BTAF1: variants seen among roughly 807,000 people sequenced by gnomAD.
BTAF1 encodes B-TFIID TATA-box binding protein associated factor 1.
BTAF1 carries 38 observed loss-of-function variants against 227.1 expected under a neutral mutation model. That is an observed-to-expected ratio of 0.17 (90% CI 0.13 to 0.22). The LOEUF (loss-of-function observed/expected upper bound fraction) is 0.22, where lower values mean the gene tolerates loss of function less well. Ranked by LOEUF, BTAF1 falls within the 10% of genes least tolerant of loss-of-function variation. The pLI, the probability that BTAF1 is intolerant of heterozygous loss-of-function variation, is 1.00. For missense variants in BTAF1, 1,598 were observed against 2,204.0 expected (o/e 0.73, Z 5.51); for synonymous variants, 742 against 751.9 (o/e 0.99, Z 0.21).
At chr10:91,979,164 A>G (rs969584851) in intron 14 of BTAF1, among the ~76,000 whole-genome samples, 4 of 152,036 alleles carry the variant, frequency 2.6e-5, no homozygotes, top group African/African-American at 9.7e-5. Flanking sequence ...TTCTTTTTTA[A>G]GACTGCATAG....
chr10:91,952,144 A>G (rs759239554), intron 5 of BTAF1, among the ~76,000 whole-genome samples: 58 of 149,046 alleles, frequency 3.9e-4, no homozygotes, highest in African/African-American at 1.2e-3. Flanking sequence ...ATATATGTAT[A>G]TGTGTGTGTG....
At position 91,959,763 on chromosome 10, in the gene BTAF1, TATATA is replaced by T; in HGVS notation, c.991-21_991-17del. 1.8e-6 allele frequency: 1 copy of T among 553,682 alleles called. No homozygotes were observed. The highest frequency in any genetic ancestry group is 2.8e-6 in the Non-Finnish European group (1 of 357,496). The allele number at this position is 553,682 out of a possible 1,614,324, so 34.3% of individuals were successfully genotyped here. ...GTGTATATATATATATATATATATA[TATATA>T]TATTATATTTTAACAGATGATTCAG... On this transcript the variant is annotated splice_polypyrimidine_tract_variant and intron_variant, in intron 9 of 37. Transcript: ENST00000265990.
At chr10:91,994,690 G>T in intron 23 of BTAF1, 46 bp downstream of exon 23, 1 of 1,493,262 alleles carries the variant, frequency 6.7e-7, no homozygotes, top group South Asian at 1.1e-5. Context: ...TAAAACAAGT[G>T]GTCTTATTAA....
intron 25 of BTAF1, among the ~76,000 whole-genome samples, chr10:92,004,016 C>T (rs1275606741): frequency 6.6e-6 from 1 of 151,938 alleles, no homozygotes; most frequent in Non-Finnish European, 1.5e-5. Flanking sequence ...TTTCATTTAT[C>T]TGCTGGCCAT....
chr10:91,993,684 T>G lies in BTAF1; in HGVS notation c.3046-10T>G, dbSNP rs1848957912. The G allele has an allele frequency of 6.9e-7, 1 of 1,446,230 alleles. No homozygotes were observed. The highest frequency in any genetic ancestry group is 1.6e-5 in the South Asian group (1 of 61,104). 89.6% of individuals were successfully genotyped at this position (1,446,230 alleles called of 1,614,324 possible). A position where few individuals can be genotyped will look rare whatever the true frequency, so the allele number is the denominator to read the frequency against. ...TGAAATTCTGTTTTTATCTAACATT[T>G]AATTTTAAGGCCCAGAAGCCTTACC... is the stretch of plus-strand genomic sequence containing the variant. On this transcript the variant is annotated splice_polypyrimidine_tract_variant and intron_variant, in intron 21 of 37. Coordinates refer to ENST00000265990, the MANE Select transcript of BTAF1 (RefSeq NM_003972.3).
intron 18 of BTAF1, 132 bp downstream of exon 18, chr10:91,982,893 A>G: frequency 3.2e-6 from 3 of 951,068 alleles, no homozygotes; most frequent in East Asian, 2.7e-5. Context: ...AAAGTGTCCA[A>G]ATTATATTGA....
At chr10:91,978,930 A>G (rs1482374457) in intron 14 of BTAF1, among the ~76,000 whole-genome samples, 2 of 147,084 alleles carry the variant, frequency 1.4e-5, no homozygotes, top group Admixed American at 1.4e-4. Flanking sequence ...TTTGCCACCT[A>G]GGTACTAAAG....
chr10:91,946,826 C>CT (rs1290962034), intron 4 of BTAF1, among the ~76,000 whole-genome samples: 1 of 151,002 alleles, frequency 6.6e-6, no homozygotes, highest in Admixed American at 6.6e-5. Flanking sequence ...TATGCATTTC[C>CT]TTTTTTTCTT....
intron 16 of BTAF1, 106 bp from the exon 17 acceptor site, chr10:91,981,977 A>T: frequency 7.1e-7 from 1 of 1,407,744 alleles, no homozygotes; most frequent in Non-Finnish European, 9.4e-7. Context: ...TTTTGTGAAA[A>T]GAACTGTATT....
At chr10:91,999,665 T>C (rs1324513666) in intron 25 of BTAF1, among the ~76,000 whole-genome samples, 1 of 152,180 alleles carries the variant, frequency 6.6e-6, no homozygotes, top group Non-Finnish European at 1.5e-5. Context: ...AGTGCTGGGA[T>C]TACAGACGTG....
chr10:92,024,547 A>C (rs546344644), intron 34 of BTAF1, among the ~76,000 whole-genome samples: 1 of 152,202 alleles, frequency 6.6e-6, no homozygotes, highest in African/African-American at 2.4e-5. Context: ...AAAACTTCTG[A>C]AGAGGTGATC....
chr10:91,952,701 A>C (rs576317309), intron 5 of BTAF1, among the ~76,000 whole-genome samples: 1 of 152,104 alleles, frequency 6.6e-6, no homozygotes, highest in Non-Finnish European at 1.5e-5. Flanking sequence ...TTCTGCAGAC[A>C]AGGGGGTAGA....
At chr10:91,978,599 A>G (rs545611142) in intron 14 of BTAF1, among the ~76,000 whole-genome samples, 2 of 152,074 alleles carry the variant, frequency 1.3e-5, no homozygotes, top group Non-Finnish European at 2.9e-5. Flanking sequence ...GATTTCTGCA[A>G]TTTCAGTTAA....
intron 14 of BTAF1, among the ~76,000 whole-genome samples, chr10:91,974,763 A>T (rs1847564638): frequency 6.6e-6 from 1 of 152,090 alleles, no homozygotes. Flanking sequence ...GAGACAGGAG[A>T]ATCACTTGAG....
chr10:92,008,285 A>G lies in BTAF1; in HGVS notation c.3813+10A>G. The G allele has an allele frequency of 6.4e-7, 1 of 1,558,226 alleles. No homozygotes were observed. Among genetic ancestry groups the G allele is most frequent in the Non-Finnish European group, 8.6e-7 (1 of 1,162,766 alleles). Reference sequence around the variant, plus strand: ...CAGAAAATATCAGCAGGTAAGTTTTATACAATAGTGAGTTTTCCTTTCAAA... The same window carrying G: ...CAGAAAATATCAGCAGGTAAGTTTTGTACAATAGTGAGTTTTCCTTTCAAA... On this transcript the variant is annotated intron_variant, in intron 26 of 37. Transcript: ENST00000265990.
intron 14 of BTAF1, among the ~76,000 whole-genome samples, chr10:91,970,252 G>A (rs1055756558): frequency 6.6e-6 from 1 of 151,946 alleles, no homozygotes; most frequent in African/African-American, 2.4e-5. Context: ...TTAAGCATGG[G>A]CCCTCAATGT....
chr10:91,958,471 G>A (rs900619547), intron 8 of BTAF1, among the ~76,000 whole-genome samples: 17 of 152,118 alleles, frequency 1.1e-4, no homozygotes, highest in African/African-American at 4.1e-4. Context: ...GGAGGCTGAG[G>A]CGGACAGATC....
chr10:91,982,936 G>A (rs1413623850), intron 18 of BTAF1, among the ~76,000 whole-genome samples, 175 bp downstream of exon 18: 1 of 152,106 alleles, frequency 6.6e-6, no homozygotes, highest in Non-Finnish European at 1.5e-5. Context: ...TTTTAACTCT[G>A]GACTTTTGTC....
intron 13 of BTAF1, among the ~76,000 whole-genome samples, chr10:91,966,132 C>T (rs1846893054): frequency 6.6e-6 from 1 of 152,130 alleles, no homozygotes; most frequent in Non-Finnish European, 1.5e-5. Context: ...TAATGCTACA[C>T]CAGGATAATA....
Sources: allele counts gnomAD v4.1 joint callset (sites outside exome capture counted in the v4.1 genomes callset), GRCh38; gene constraint gnomAD v4.1.1; transcripts MANE v1.5; gene names NCBI Gene and HGNC (gene_info 2026-07-23, HGNC 2026-07-21).